ULK3: variants seen among roughly 807,000 people sequenced by gnomAD.
ULK3 encodes the protein serine/threonine-protein kinase ULK3.
In ULK3, 54 loss-of-function variants were observed where a neutral mutation model predicts 69.4. The observed-to-expected ratio is 0.78, with a 90% confidence interval of 0.63 to 0.98. The LOEUF is 0.98. Ranked by LOEUF, ULK3 falls within the 50% of genes least tolerant of loss-of-function variation. The pLI, the probability that ULK3 is intolerant of heterozygous loss-of-function variation, is 0.00. For missense variants in ULK3, 558 were observed against 627.7 expected, an observed-to-expected ratio of 0.89 and a Z score of 1.19; for synonymous variants, 240 against 254.5, an observed-to-expected ratio of 0.94 and a Z score of 0.54.
In ULK3 at chr15:74,839,627, G is replaced by A. The variant is rs769514050; in HGVS notation, c.783C>T (p.Phe261=). 5 of 1,560,022 alleles carry A rather than the reference G, an allele frequency of 3.2e-6. No individual in the cohort carries two copies. The highest frequency in any genetic ancestry group is 2.4e-5 in the East Asian group (1 of 41,798). The part of the protein sequence containing the change: ...LERDPSRRIS[F]QDFFAHPWVD... ...CCCAGGGGTGCGCAAAAAAGTCCTG[G>A]AAGGAGATGCGACGGCTGGGGTCCC... The change falls in exon 7 of 16, where the codon TTC becomes TTT. Residue 261 remains phenylalanine (F), a synonymous_variant. Transcript: ENST00000440863.
Position 74,838,704 on chromosome 15 carries a change from G to C in ULK3, c.1041C>G (p.Ile347Met). The C allele has an allele frequency of 1.9e-6, 3 of 1,612,462 alleles. No homozygotes were observed. Among genetic ancestry groups the C allele is most frequent in the Middle Eastern group, 3.3e-4 (2 of 6,060 alleles). Residue 347 changes from isoleucine to methionine, a missense_variant, in exon 10 of 16, where the codon ATC becomes ATG. By Grantham distance (10) the Ile-to-Met change is conservative. Transcript: ENST00000440863. ...GCAGGGCCTGATTGGAAGAGGAGACGATGGCCTTGAGCTCCTCAGCCCGGG... is the reference window on the plus strand; with the variant it reads ...GCAGGGCCTGATTGGAAGAGGAGACCATGGCCTTGAGCTCCTCAGCCCGGG... ...YVSRAEELKA[I>M]VSSSNQALLR... is the part of the protein sequence containing the mutation.
intron 4 of ULK3, among the ~76,000 whole-genome samples, chr15:74,841,083 C>T (rs948509948): frequency 3.7e-4 from 57 of 152,176 alleles, no homozygotes; most frequent in African/African-American, 1.3e-3. Flanking sequence ...TGTCCCTGCC[C>T]ACAGAGGGAT....
rs1292327761 is a variant in ULK3 at position 74,840,244 on chromosome 15, C to A, written c.686G>T (p.Arg229Leu). 4.3e-6 allele frequency: 7 copies of A among 1,609,434 alleles called. No homozygotes were observed. The highest frequency in any genetic ancestry group is 5.9e-6 in the Non-Finnish European group (7 of 1,178,164). Residue 229 changes from arginine (R) to leucine (L), a missense_variant, in exon 6 of 16, where the codon CGG becomes CTG. By Grantham distance (102) the Arg-to-Leu change is moderately radical. Coordinates refer to ENST00000440863, the MANE Select transcript of ULK3 (RefSeq NM_001099436.4). ...CCCTGCTAGACACACCTCGATGACC[C>A]GGTTGCTACGGATCTTCTCTTCCAG... ...SELEEKIRSN[R>L]VIELPLRPLL...
chr15:74,842,708 G>T lies in ULK3; in HGVS notation c.103-288C>A, dbSNP rs370779179. On this transcript the variant is annotated intron_variant, in intron 1 of 15. Coordinates refer to ENST00000440863, the MANE Select transcript of ULK3 (RefSeq NM_001099436.4). The surrounding 1 kb of genome is among the most constrained non-coding windows in gnomAD (Gnocchi z 4.9). The stretch of plus-strand genomic sequence containing the variant: ...CTCCCGGCAGAGGCATGTCACTCAG[G>T]GTTCTAGAACCGCCCACTCTGCCTC... 1 of 1,533,016 alleles carries T rather than the reference G, an allele frequency of 6.5e-7. No individual in the cohort carries two copies. The highest frequency in any genetic ancestry group is 8.7e-7 in the Non-Finnish European group (1 of 1,144,898). The allele number at this position is 1,533,016 out of a possible 1,614,324, so 95.0% of individuals were successfully genotyped here.
chr15:74,839,844 G>T, intron 6 of ULK3, 131 bp from the exon 7 acceptor site: 1 of 1,274,664 alleles, frequency 7.8e-7, no homozygotes, highest in Non-Finnish European at 1.0e-6. Context: ...GGAGGAACAG[G>T]ATGGGTCAGG....
intron 13 of ULK3, 82 bp downstream of exon 13, chr15:74,838,070 G>A: frequency 5.2e-6 from 8 of 1,528,398 alleles, no homozygotes; most frequent in Non-Finnish European, 7.1e-6. Context: ...ACATTCCAGA[G>A]GGAACCCAAA....
intron 10 of ULK3, 63 bp downstream of exon 10, chr15:74,838,580 T>C: frequency 6.4e-7 from 1 of 1,570,154 alleles, no homozygotes; most frequent in Admixed American, 1.8e-5. Context: ...CCCACCCGCC[T>C]CCCCCTCAGG....
intron 5 of ULK3, 37 bp downstream of exon 5, chr15:74,840,461 A>G (rs2064205484): frequency 6.3e-7 from 1 of 1,586,872 alleles, no homozygotes; most frequent in African/African-American, 1.3e-5. Context: ...AGGAAACTGT[A>G]GGCCTCAGGG....
chr15:74,842,053 G>C lies in ULK3; in HGVS notation c.364+22C>G. 1 of 1,613,416 alleles carries C rather than the reference G, an allele frequency of 6.2e-7. No individual in the cohort carries two copies. The highest frequency in any genetic ancestry group is 1.3e-5 in the African/African-American group (1 of 75,052). ...GCAGAGAACAAGGGACAGAGTGTCA[G>C]GCTGGTGTCACAGGCCTTTACCTAA... On this transcript the variant is annotated intron_variant, in intron 3 of 15. Coordinates refer to ENST00000440863, the MANE Select transcript of ULK3 (RefSeq NM_001099436.4). This position sits in a 1 kb window ranked among gnomAD's most constrained non-coding sequence, Gnocchi z 4.9.
rs747668653 is a variant in ULK3, at chr15:74,842,059, T to C, written c.364+16A>G. On this transcript the variant is annotated intron_variant, in intron 3 of 15. Coordinates refer to ENST00000440863, the MANE Select transcript of ULK3 (RefSeq NM_001099436.4). The surrounding 1 kb of genome is among the most constrained non-coding windows in gnomAD (Gnocchi z 4.9). ...AACAAGGGACAGAGTGTCAGGCTGG[T>C]GTCACAGGCCTTTACCTAATTGCTG... 11 of 1,613,238 alleles carry C rather than the reference T, an allele frequency of 6.8e-6. No homozygotes were observed. The highest frequency in any genetic ancestry group is 8.5e-6 in the Non-Finnish European group (10 of 1,179,860).
rs770387184 is a variant in ULK3 at position 74,840,483 on chromosome 15, GAAA to G, written c.613+12_613+14del. The G allele has an allele frequency of 1.1e-5, 18 of 1,599,552 alleles. No homozygotes were observed. Among genetic ancestry groups the G allele is most frequent in the African/African-American group, 2.7e-5 (2 of 74,602 alleles). ...TGTAGGCCTCAGGGTGAGAAGCAGG[GAAA>G]AGAGGTCTCACCATACAGGATGACC... On this transcript the variant is annotated intron_variant, in intron 5 of 15. Transcript: ENST00000440863.
In ULK3 at chr15:74,842,942, C is replaced by G. The variant is rs1399858846; in HGVS notation, c.102+62G>C. ...CACACTGTCGCTAACCTCTCAGAGT[C>G]TCCCCGGCCGGCACCAGCCGAGCTA... On this transcript the variant is annotated intron_variant, in intron 1 of 15. Transcript: ENST00000440863. This position sits in a 1 kb window ranked among gnomAD's most constrained non-coding sequence, Gnocchi z 4.9. 6.5e-5 allele frequency: 98 copies of G among 1,506,030 alleles called. 1 individual carries two copies. In the Admixed American group the frequency reaches 2.0e-3, roughly 31 times the overall value. The allele number at this position is 1,506,030 out of a possible 1,614,324, so 93.3% of individuals were successfully genotyped here.
At position 74,842,010 on chromosome 15, in the gene ULK3, G is replaced by C. The variant is rs924305164; in HGVS notation, c.364+65C>G. The C allele has an allele frequency of 5.6e-6, 9 of 1,606,872 alleles. No individual in the cohort carries two copies. In the African/African-American group the frequency reaches 8.0e-5, roughly 14 times the overall value. On this transcript the variant is annotated intron_variant, in intron 3 of 15. Transcript: ENST00000440863. The surrounding 1 kb of genome is among the most constrained non-coding windows in gnomAD (Gnocchi z 4.9). ...GTGCCAAGGCTCTAAGCCTGGGGGA[G>C]GGGTGGGATGGTGGGGGGCAGAGAA...
Position 74,843,024 on chromosome 15 carries a change from C to G in ULK3, c.82G>C (p.Val28Leu). 1 of 1,535,774 alleles carries G rather than the reference C, an allele frequency of 6.5e-7. No individual in the cohort carries two copies. The highest frequency in any genetic ancestry group is 8.8e-7 in the Non-Finnish European group (1 of 1,139,816). The change falls in exon 1 of 16, where the codon GTG becomes CTG. Residue 28 changes from valine (V) to leucine (L), a missense_variant. By Grantham distance (32) the Val-to-Leu change is conservative (BLOSUM62 1). Transcript: ENST00000440863. ...ERLGSGTYATVYKAYAKKDTR... is the reference protein window; with the variant it reads ...ERLGSGTYATLYKAYAKKDTR... ...CCCACCTTGGCGTAGGCCTTGTACA[C>G]CGTGGCGTACGTGCCGCTGCCCAGG...
chr15:74,842,605 C>T lies in ULK3; in HGVS notation c.103-185G>A. The stretch of plus-strand genomic sequence containing the variant: ...CAGTGAGGAATGCTGATTCTGGAAT[C>T]CTGGCTTCCCGACACAGCCTCAGCC... On this transcript the variant is annotated intron_variant, in intron 1 of 15. Coordinates refer to ENST00000440863, the MANE Select transcript of ULK3 (RefSeq NM_001099436.4). The surrounding 1 kb of genome is among the most constrained non-coding windows in gnomAD (Gnocchi z 4.9). 1 of 1,544,090 alleles carries T rather than the reference C, an allele frequency of 6.5e-7. No homozygotes were observed. Among genetic ancestry groups the T allele is most frequent in the Non-Finnish European group, 8.7e-7 (1 of 1,151,902 alleles).
Position 74,838,183 on chromosome 15 carries a change from G to A in ULK3, c.1256C>T (p.Pro419Leu), listed in dbSNP as rs746960562. Residue 419 changes from proline (P) to leucine (L), a missense_variant, in exon 13 of 16, where the codon CCG (proline) becomes CTG (leucine). By Grantham distance (98) the Pro-to-Leu change is moderately conservative. Coordinates refer to ENST00000440863, the MANE Select transcript of ULK3 (RefSeq NM_001099436.4). ...ELLLLLAAEP[P>L]GRRRELLHTE... The stretch of plus-strand genomic sequence containing the variant: ...GTGAAGCAGCTCCCGCCTCCGGCCC[G>A]GGGGCTCCGCTGTAAAGAGAGGGTG... 2.2e-5 allele frequency: 35 copies of A among 1,564,788 alleles called. No individual in the cohort carries two copies. The highest frequency in any genetic ancestry group is 4.8e-5 in the East Asian group (2 of 41,990).
intron 10 of ULK3, 24 bp downstream of exon 10, chr15:74,838,619 G>A (rs2064120210): frequency 2.5e-6 from 4 of 1,600,660 alleles, no homozygotes; most frequent in Non-Finnish European, 3.4e-6. Context: ...GGGGCCCTGG[G>A]GTCAGCCAGA....
rs368756335 is a variant in ULK3, at chr15:74,838,246, G to C, written c.1246+20C>G. 6 of 1,562,976 alleles carry C rather than the reference G, an allele frequency of 3.8e-6. No individual in the cohort carries two copies. Among genetic ancestry groups the C allele is most frequent in the Non-Finnish European group, 5.2e-6 (6 of 1,153,996 alleles). Reference sequence around the variant, plus strand: ...AGGGTGGCCAGAGGCCCTGTGGGGGGCATAAATGGGGGCCCTCACCTGCCA... The same window carrying C: ...AGGGTGGCCAGAGGCCCTGTGGGGGCCATAAATGGGGGCCCTCACCTGCCA... On this transcript the variant is annotated intron_variant, in intron 12 of 15. Transcript: ENST00000440863.
intron 3 of ULK3, 98 bp from the exon 4 acceptor site, chr15:74,841,607 C>T: frequency 1.0e-6 from 1 of 970,638 alleles, no homozygotes; most frequent in Non-Finnish European, 1.6e-6. Context: ...CCTGCACAAC[C>T]CCAGTTCCTG....
Sources: allele counts gnomAD v4.1 joint callset (sites outside exome capture counted in the v4.1 genomes callset), GRCh38; gene constraint gnomAD v4.1.1; non-coding constraint Gnocchi (gnomAD v3.1); transcripts MANE v1.5; gene names NCBI Gene and HGNC (gene_info 2026-07-23, HGNC 2026-07-21).